The following SUGCT variants were observed in gnomAD, a reference collection of about 807,000 sequenced individuals.
The protein encoded by SUGCT is succinyl-CoA:glutarate-CoA transferase.
Under a neutral mutation model 55.0 loss-of-function variants are expected in SUGCT, and 41 were observed. The observed-to-expected ratio is 0.74, with a 90% CI of 0.58 to 0.97. SUGCT has a LOEUF of 0.97. SUGCT is among the 50% of genes least tolerant of loss of function. The probability of loss-of-function intolerance (pLI) is 0.00; values close to 1 mark genes in which losing one functional copy is unlikely to be tolerated. For missense variants in SUGCT, 568 were observed against 547.8 expected, an observed-to-expected ratio of 1.04 and a Z score of -0.37; for synonymous variants, 187 against 200.4, an observed-to-expected ratio of 0.93 and a Z score of 0.56.
At chr7:40,252,491 A>G (rs988052476) in intron 7 of SUGCT, among the ~76,000 whole-genome samples, 2 of 152,192 alleles carry the variant, frequency 1.3e-5, no homozygotes, top group African/African-American at 4.8e-5. Flanking sequence ...TTTATGAAAC[A>G]GAACAAATTT....
intron 9 of SUGCT, among the ~76,000 whole-genome samples, chr7:40,322,086 C>A (rs957364570): frequency 6.6e-6 from 1 of 152,186 alleles, no homozygotes; most frequent in Admixed American, 6.5e-5. Flanking sequence ...CATGTCCTCA[C>A]CATCTGTTCT....
At chr7:40,168,205 C>T (rs1021866765) in intron 1 of SUGCT, among the ~76,000 whole-genome samples, 3 of 152,150 alleles carry the variant, frequency 2.0e-5, no homozygotes, top group South Asian at 4.1e-4. Flanking sequence ...CTAGGAAATC[C>T]AGCTAGTCCT....
At chr7:40,488,998 T>C (rs368161898) in intron 11 of SUGCT, among the ~76,000 whole-genome samples, 36 of 152,306 alleles carry the variant, frequency 2.4e-4, no homozygotes, top group African/African-American at 7.9e-4. Context: ...TGAACAAATA[T>C]TTATATCTTT....
the SUGCT span, chr7:40,964,903 T>C: frequency 6.6e-6 from 1 of 152,178 alleles, no homozygotes; most frequent in East Asian, 1.9e-4. Flanking sequence ...GCCTTCCTTG[T>C]CCCCACTGAA....
At chr7:40,483,436 A>G (rs1791164825) in intron 11 of SUGCT, among the ~76,000 whole-genome samples, 1 of 152,184 alleles carries the variant, frequency 6.6e-6, no homozygotes, top group Non-Finnish European at 1.5e-5. Context: ...CACTGTTCTG[A>G]ATACTTTCAA....
intron 8 of SUGCT, among the ~76,000 whole-genome samples, chr7:40,308,483 T>A (rs1051626955): frequency 3.9e-5 from 6 of 152,166 alleles, no homozygotes. Flanking sequence ...CCAGGTGATT[T>A]AATTATAGAA....
At chr7:40,978,839 A>G in the SUGCT span, among the ~76,000 whole-genome samples, 1 of 152,230 alleles carries the variant, frequency 6.6e-6, no homozygotes, top group African/African-American at 2.4e-5. Context: ...TGAAATGTGT[A>G]TGACACAGGT....
chr7:40,377,076 C>T (rs972635969), intron 9 of SUGCT, among the ~76,000 whole-genome samples: 1 of 130,930 alleles, frequency 7.6e-6, no homozygotes, highest in African/African-American at 2.7e-5. Flanking sequence ...TCACATTTTT[C>T]AATCTGTGTT....
intron 12 of SUGCT, among the ~76,000 whole-genome samples, chr7:40,705,964 C>T (rs766031496): frequency 1.5e-4 from 23 of 152,100 alleles, no homozygotes; most frequent in Non-Finnish European, 2.6e-4. Flanking sequence ...TGTCCATCAT[C>T]TATAAAATGA....
At chr7:40,269,519 T>A (rs1426394323) in intron 7 of SUGCT, among the ~76,000 whole-genome samples, 1 of 152,030 alleles carries the variant, frequency 6.6e-6, no homozygotes, top group Non-Finnish European at 1.5e-5. Flanking sequence ...GATGTGGACT[T>A]GCTTTTTTGC....
intron 13 of SUGCT, among the ~76,000 whole-genome samples, chr7:40,770,029 C>G (rs532592131): frequency 6.6e-6 from 1 of 152,056 alleles, no homozygotes; most frequent in Non-Finnish European, 1.5e-5. Context: ...CTAATTAAAT[C>G]GAATTTTCTT....
rs185809521 is a variant in SUGCT at position 40,540,154 on chromosome 7, G to A, written c.1089+43768G>A. On this transcript the variant is annotated intron_variant, in intron 12 of 13. Transcript: ENST00000335693. ...ACTTACTCATTTATCATAAGTATAG[G>A]CATGTCTTTTCAATACTTATTTTAT... Among the ~76,000 whole-genome samples, 5 of 151,844 alleles carry A rather than the reference G, an allele frequency of 3.3e-5. No individual in the cohort carries two copies. In the East Asian group the frequency reaches 9.7e-4, roughly 29 times the overall value.
intron 12 of SUGCT, among the ~76,000 whole-genome samples, chr7:40,695,652 G>A (rs773222317): frequency 1.3e-5 from 2 of 152,058 alleles, no homozygotes; most frequent in Non-Finnish European, 2.9e-5. Context: ...AGCTACAAAG[G>A]CTTTTTTTCA....
At chr7:40,732,961 G>A (rs1786973325) in intron 12 of SUGCT, among the ~76,000 whole-genome samples, 1 of 152,032 alleles carries the variant, frequency 6.6e-6, no homozygotes, top group South Asian at 2.1e-4. Context: ...TGTAATCCCA[G>A]CTATTTGGGA....
chr7:40,365,393 G>A (rs1357340731), intron 9 of SUGCT, among the ~76,000 whole-genome samples: 1 of 151,610 alleles, frequency 6.6e-6, no homozygotes, highest in African/African-American at 2.4e-5. Context: ...ATTCAACATA[G>A]TGTTGGAAGT....
chr7:40,718,944 T>C (rs1000190900), intron 12 of SUGCT, among the ~76,000 whole-genome samples: 1 of 152,226 alleles, frequency 6.6e-6, no homozygotes, highest in Admixed American at 6.5e-5. Context: ...AAAAGGTAAC[T>C]GAATATGGTT....
intron 12 of SUGCT, among the ~76,000 whole-genome samples, chr7:40,693,448 G>T (rs972504027): frequency 1.3e-5 from 2 of 152,118 alleles, no homozygotes; most frequent in African/African-American, 2.4e-5. Flanking sequence ...ACCATATAAG[G>T]TAGTGCCATC....
intron 13 of SUGCT, among the ~76,000 whole-genome samples, chr7:40,786,532 G>A (rs560926688): frequency 6.6e-6 from 1 of 152,188 alleles, no homozygotes; most frequent in South Asian, 2.1e-4. Flanking sequence ...TATACTAGCA[G>A]AAACAATTCC....
intron 7 of SUGCT, among the ~76,000 whole-genome samples, chr7:40,244,193 A>T (rs890717029): frequency 6.6e-6 from 1 of 152,186 alleles, no homozygotes. Flanking sequence ...AAAATTAAAA[A>T]ATATATATAA....
Sources: gnomAD v4.1 joint callset for allele counts (sites outside exome capture counted in the v4.1 genomes callset) on GRCh38, gnomAD v4.1.1 for gene constraint, MANE v1.5 for transcripts, NCBI Gene and HGNC (gene_info 2026-07-23, HGNC 2026-07-21) for gene names.